The following CALN1 variants were observed in gnomAD, a reference collection of about 807,000 sequenced individuals.
CALN1 encodes calneuron 1.
In CALN1, 17 loss-of-function variants were observed where a neutral mutation model predicts 30.6. The observed-to-expected ratio is 0.56, with a 90% CI of 0.38 to 0.83. The LOEUF (loss-of-function observed/expected upper bound fraction) is 0.83. CALN1 is among the 40% of genes least tolerant of loss of function. The probability of loss-of-function intolerance (pLI) is 0.00; values close to 1 mark genes in which losing one functional copy is unlikely to be tolerated. For missense variants in CALN1, 291 were observed against 354.9 expected (o/e 0.82, Z 1.45); for synonymous variants, 156 against 131.4 (o/e 1.19, Z -1.28).
intron 5 of CALN1, among the ~76,000 whole-genome samples, chr7:71,901,195 A>G (rs1314107264): frequency 2.0e-5 from 3 of 152,214 alleles, no homozygotes; most frequent in Non-Finnish European, 2.9e-5. Flanking sequence ...TAAAATACCT[A>G]GAAATGCATT....
intron 2 of CALN1, among the ~76,000 whole-genome samples, chr7:72,320,245 C>T (rs886873106): frequency 2.6e-5 from 4 of 152,182 alleles, no homozygotes; most frequent in South Asian, 2.1e-4. Context: ...AGGGCTAGGA[C>T]GGCGGGCTAG....
intron 3 of CALN1, among the ~76,000 whole-genome samples, chr7:72,188,132 G>A (rs1002432781): frequency 3.3e-5 from 5 of 152,062 alleles, no homozygotes; most frequent in Admixed American, 2.6e-4. Flanking sequence ...ACATCTGCTC[G>A]GAGGAAAAGA....
chr7:71,919,432 G>A (rs1300337856), intron 5 of CALN1, among the ~76,000 whole-genome samples: 1 of 152,188 alleles, frequency 6.6e-6, no homozygotes, highest in African/African-American at 2.4e-5. Context: ...TGGATTGAAT[G>A]TCCCAGTCAT....
At chr7:72,139,439 CTCAGCCACGCCCACCCTCTTCTACCAACT>C (rs1809735176) in intron 3 of CALN1, among the ~76,000 whole-genome samples, 1 of 150,648 alleles carries the variant, frequency 6.6e-6, no homozygotes, top group African/African-American at 2.5e-5. Context: ...TTCTACCCAC[CTCAGCCACGCCCACCCTCTTCTACCAACT>C]TCAGCCACAC....
chr7:72,166,838 T>C (rs1385342364), intron 3 of CALN1, among the ~76,000 whole-genome samples: 1 of 151,402 alleles, frequency 6.6e-6, no homozygotes, highest in East Asian at 2.0e-4. Flanking sequence ...AGGCCAGGAG[T>C]TCAAGACCAG....
chr7:72,018,379 T>C (rs1584755588), intron 5 of CALN1, among the ~76,000 whole-genome samples: 2 of 152,056 alleles, frequency 1.3e-5, no homozygotes, highest in African/African-American at 2.4e-5. Context: ...TCCTCTCCTC[T>C]CTGCCATTCC....
At chr7:72,210,883 T>C (rs1409299230) in intron 3 of CALN1, among the ~76,000 whole-genome samples, 1 of 151,256 alleles carries the variant, frequency 6.6e-6, no homozygotes, top group Non-Finnish European at 1.5e-5. Flanking sequence ...AGCCCCGGTC[T>C]CCAGAAAAAA....
intron 2 of CALN1, among the ~76,000 whole-genome samples, chr7:72,311,881 G>A (rs1800079701): frequency 6.6e-6 from 1 of 151,904 alleles, no homozygotes; most frequent in Non-Finnish European, 1.5e-5. Context: ...AAGAAAAATA[G>A]GAATGATCCA....
chr7:72,146,508 G>A (rs1034878480), intron 3 of CALN1, among the ~76,000 whole-genome samples: 1 of 152,134 alleles, frequency 6.6e-6, no homozygotes, highest in Non-Finnish European at 1.5e-5. Context: ...CTCATGGATA[G>A]GAAGAATCAA....
chr7:72,031,587 C>G (rs1801438832), intron 4 of CALN1, among the ~76,000 whole-genome samples: 1 of 152,014 alleles, frequency 6.6e-6, no homozygotes, highest in Non-Finnish European at 1.5e-5. Flanking sequence ...TTCTGTTTTG[C>G]TAGAGACAGG....
At chr7:72,205,764 A>G (rs956091308) in intron 3 of CALN1, among the ~76,000 whole-genome samples, 5 of 151,450 alleles carry the variant, frequency 3.3e-5, no homozygotes, top group South Asian at 2.1e-4. Flanking sequence ...ATTCAAGTTT[A>G]TATGTATTTA....
intron 5 of CALN1, among the ~76,000 whole-genome samples, chr7:71,881,358 A>T (rs1328058184): frequency 6.6e-6 from 1 of 152,170 alleles, no homozygotes; most frequent in Non-Finnish European, 1.5e-5. Flanking sequence ...CCCTTCATAT[A>T]TACATCTATC....
chr7:71,827,775 A>AAAAAAAAAAAAT (rs1554347603), intron 5 of CALN1, among the ~76,000 whole-genome samples: 10 of 140,340 alleles, frequency 7.1e-5, no homozygotes, highest in African/African-American at 2.4e-4. Context: ...CCATCTTAAA[A>AAAAAAAAAAAAT]AAATAAATAA....
At chr7:72,392,865 G>A (rs768114463) in intron 2 of CALN1, among the ~76,000 whole-genome samples, 2 of 151,904 alleles carry the variant, frequency 1.3e-5, no homozygotes, top group East Asian at 1.9e-4. Flanking sequence ...CAGACATGTT[G>A]GCATGTACCT....
chr7:72,101,196 C>T (rs553657623), intron 4 of CALN1, among the ~76,000 whole-genome samples: 4 of 152,210 alleles, frequency 2.6e-5, no homozygotes, highest in African/African-American at 9.6e-5. Context: ...AAACTCCTGA[C>T]CTCAGATGAT....
At chr7:71,910,312 C>T (rs1410633084) in intron 5 of CALN1, among the ~76,000 whole-genome samples, 1 of 152,176 alleles carries the variant, frequency 6.6e-6, no homozygotes, top group Non-Finnish European at 1.5e-5. Context: ...ATCCCCAAAC[C>T]AACCCACATC....
At chr7:72,278,472 T>TACACACACACATAC (rs1797502419) in intron 3 of CALN1, among the ~76,000 whole-genome samples, 1 of 143,982 alleles carries the variant, frequency 6.9e-6, no homozygotes, top group African/African-American at 2.6e-5. Context: ...ATCAGGTCTG[T>TACACACACACATAC]ACACACACAC....
intron 3 of CALN1, among the ~76,000 whole-genome samples, chr7:72,248,935 A>AT (rs371304479): frequency 6.6e-6 from 1 of 152,204 alleles, no homozygotes; most frequent in African/African-American, 2.4e-5. Flanking sequence ...AAGTTTTAGA[A>AT]TGTTCCAAGA....
At chr7:72,272,025 G>A (rs189791677) in intron 3 of CALN1, among the ~76,000 whole-genome samples, 44 of 146,968 alleles carry the variant, frequency 3.0e-4, no homozygotes, top group Admixed American at 4.8e-4. Context: ...TCGTGCCACC[G>A]CACTCCACCC....
Sources: allele counts gnomAD v4.1 joint callset (sites outside exome capture counted in the v4.1 genomes callset), GRCh38; gene constraint gnomAD v4.1.1; transcripts MANE v1.5; gene names NCBI Gene and HGNC (gene_info 2026-07-23, HGNC 2026-07-21).